ARHGEF26: variants seen among roughly 807,000 people sequenced by gnomAD.
The protein encoded by ARHGEF26 is Rho guanine nucleotide exchange factor 26.
In ARHGEF26, 59 loss-of-function variants were observed where a neutral mutation model predicts 89.4. That is an observed-to-expected ratio of 0.66 (90% CI 0.54 to 0.82). The LOEUF is 0.82. ARHGEF26 is among the 40% of genes least tolerant of loss of function. The probability of loss-of-function intolerance (pLI) is 0.00; values close to 1 mark genes in which losing one functional copy is unlikely to be tolerated. For missense variants in ARHGEF26, 1,234 were observed against 1,085.6 expected, an observed-to-expected ratio of 1.14 and a Z score of -1.92; for synonymous variants, 500 against 428.4, an observed-to-expected ratio of 1.17 and a Z score of -2.06.
intron 9 of ARHGEF26, among the ~76,000 whole-genome samples, chr3:154,197,076 A>G (rs1576765146): frequency 6.6e-6 from 1 of 152,256 alleles, no homozygotes; most frequent in Admixed American, 6.5e-5. Context: ...GGCTGGCAAA[A>G]ATGTAATAGA....
intron 11 of ARHGEF26, among the ~76,000 whole-genome samples, chr3:154,231,077 G>A (rs1332442010): frequency 6.6e-6 from 1 of 152,068 alleles, no homozygotes; most frequent in Non-Finnish European, 1.5e-5. Flanking sequence ...AGAGTATCCT[G>A]GCTAAAGGAA....
intron 12 of ARHGEF26, among the ~76,000 whole-genome samples, chr3:154,245,422 G>A (rs1717745691): frequency 6.6e-6 from 1 of 152,202 alleles, no homozygotes; most frequent in South Asian, 2.1e-4. Flanking sequence ...ATGATAAAAT[G>A]CTAAATAGAT....
intron 6 of ARHGEF26, among the ~76,000 whole-genome samples, chr3:154,179,984 G>A (rs181724330): frequency 6.6e-6 from 1 of 152,312 alleles, no homozygotes; most frequent in Non-Finnish European, 1.5e-5. Flanking sequence ...TCTGGAGGCT[G>A]TAGGGGAGAA....
At chr3:154,140,811 G>A (rs1429138271) in intron 4 of ARHGEF26, among the ~76,000 whole-genome samples, 1 of 152,074 alleles carries the variant, frequency 6.6e-6, no homozygotes, top group Non-Finnish European at 1.5e-5. Context: ...GAACTGCTAA[G>A]CTCAGGTTAT....
chr3:154,166,217 A>AT (rs1199086866), intron 6 of ARHGEF26, among the ~76,000 whole-genome samples: 4 of 151,796 alleles, frequency 2.6e-5, no homozygotes, highest in South Asian at 2.1e-4. Context: ...TGCCTGGCTA[A>AT]TTTTTTGTAT....
At chr3:154,217,772 C>T in intron 9 of ARHGEF26, 97 bp from the exon 10 acceptor site, 1 of 890,602 alleles carries the variant, frequency 1.1e-6, no homozygotes, top group Non-Finnish European at 1.8e-6. Context: ...ATCTCTAGGG[C>T]TTCCCAAGTG....
In ARHGEF26 at chr3:154,137,813, T is replaced by TAA. The variant is rs35590555; in HGVS notation, c.1269+8108_1269+8109dup. On this transcript the variant is annotated intron_variant, in intron 4 of 14. Coordinates refer to ENST00000465093, the MANE Select transcript of ARHGEF26 (RefSeq NM_015595.4). ...GCAACATAGTGAGACCCCTATCTCT[T>TAA]AAAAAAAAAAAAAAAGAAGAAGAGA... Among the ~76,000 whole-genome samples, 730 of 139,326 alleles carry TAA rather than the reference T, an allele frequency of 5.2e-3. 2 individuals are homozygous for TAA. Among genetic ancestry groups the TAA allele is most frequent in the African/African-American group, 0.013 (487 of 37,434 alleles). 91.4% of individuals were successfully genotyped at this position (139,326 alleles called of 152,430 possible).
chr3:154,186,886 C>CTTTTTTTTTATTTTTTTTTTTTTTTT (rs1713587463), intron 6 of ARHGEF26, among the ~76,000 whole-genome samples: 1 of 82,042 alleles, frequency 1.2e-5, no homozygotes, highest in African/African-American at 4.7e-5. Flanking sequence ...TTATTTCAGA[C>CTTTTTTTTTATTTTTTTTTTTTTTTT]TTTTTTTTTT....
rs552599719 is a variant in ARHGEF26, at chr3:154,216,655, G to A, written c.1846-1214G>A. On this transcript the variant is annotated intron_variant, in intron 9 of 14. Transcript: ENST00000465093. ...CCCACTAACTCGTCATCTAGCATTA[G>A]GTATATCTCCCAATGCTATCCCTCC... 8.8e-3 allele frequency among the ~76,000 whole-genome samples: 1,072 copies of A among 122,152 alleles called. 6 individuals carry two copies. The highest frequency in any genetic ancestry group is 0.013 in the Non-Finnish European group (782 of 59,484). 80.1% of individuals were successfully genotyped at this position (122,152 alleles called of 152,430 possible).
chr3:154,245,555 GC>G (rs1717754762), intron 12 of ARHGEF26, among the ~76,000 whole-genome samples: 1 of 152,116 alleles, frequency 6.6e-6, no homozygotes, highest in Non-Finnish European at 1.5e-5. Context: ...TCCTCTTAGG[GC>G]CCATGTCAAG....
At chr3:154,220,348 G>T (rs1204606021) in intron 10 of ARHGEF26, among the ~76,000 whole-genome samples, 5 of 152,212 alleles carry the variant, frequency 3.3e-5, no homozygotes, top group Admixed American at 3.3e-4. Context: ...GTCTACAGCT[G>T]TCACAGTAGC....
At chr3:154,133,107 C>A (rs1236578405) in intron 4 of ARHGEF26, among the ~76,000 whole-genome samples, 9 of 152,180 alleles carry the variant, frequency 5.9e-5, no homozygotes, top group African/African-American at 2.2e-4. Context: ...CTATAAGAAG[C>A]ATTCAGTATG....
At chr3:154,193,853 A>C (rs1714109174) in intron 8 of ARHGEF26, among the ~76,000 whole-genome samples, 1 of 145,392 alleles carries the variant, frequency 6.9e-6, no homozygotes, top group African/African-American at 2.7e-5. Context: ...TTTTTTTTTG[A>C]CTGTTTTTTC....
intron 8 of ARHGEF26, 102 bp downstream of exon 8, chr3:154,191,520 G>A (rs1713958765): frequency 1.5e-6 from 2 of 1,372,796 alleles, no homozygotes; most frequent in Non-Finnish European, 1.9e-6. Context: ...CATATTTAAA[G>A]GTCTAAAAAT....
At chr3:154,222,904 G>C (rs1170014406) in intron 10 of ARHGEF26, among the ~76,000 whole-genome samples, 1 of 152,166 alleles carries the variant, frequency 6.6e-6, no homozygotes, top group Non-Finnish European at 1.5e-5. Context: ...TTGAAGACAG[G>C]AGAGCTTATC....
chr3:154,186,510 C>T (rs1156265726), intron 6 of ARHGEF26, among the ~76,000 whole-genome samples: 3 of 152,016 alleles, frequency 2.0e-5, no homozygotes, highest in Non-Finnish European at 2.9e-5. Context: ...CCTGTAATCC[C>T]AACACTTCGG....
chr3:154,157,096 C>T (rs1424714115), intron 6 of ARHGEF26, among the ~76,000 whole-genome samples: 1 of 152,072 alleles, frequency 6.6e-6, no homozygotes, highest in South Asian at 2.1e-4. Flanking sequence ...GCAGGGACAA[C>T]GATCATTCTG....
chr3:154,170,117 T>C (rs1285210353), intron 6 of ARHGEF26, among the ~76,000 whole-genome samples: 1 of 151,202 alleles, frequency 6.6e-6, no homozygotes, highest in Non-Finnish European at 1.5e-5. Context: ...ATCTCAGCAC[T>C]TTGCGAGGCC....
chr3:154,161,883 T>G (rs1170962376), intron 6 of ARHGEF26, among the ~76,000 whole-genome samples: 1 of 152,180 alleles, frequency 6.6e-6, no homozygotes, highest in African/African-American at 2.4e-5. Context: ...GGCCCTGGCA[T>G]GCTTCAGCTG....
Sources: gnomAD v4.1 joint callset for allele counts (sites outside exome capture counted in the v4.1 genomes callset) on GRCh38, gnomAD v4.1.1 for gene constraint, MANE v1.5 for transcripts, NCBI Gene and HGNC (gene_info 2026-07-23, HGNC 2026-07-21) for gene names.